DNAJC5B: variants seen among roughly 807,000 people sequenced by gnomAD.
DNAJC5B encodes DnaJ heat shock protein family (Hsp40) member C5 beta, also known as dnaJ homolog subfamily C member 5B.
Under a neutral mutation model 24.7 loss-of-function variants are expected in DNAJC5B, and 23 were observed. The observed-to-expected ratio is 0.93, with a 90% CI of 0.67 to 1.32. The LOEUF (loss-of-function observed/expected upper bound fraction) is 1.32, where lower values mean the gene tolerates loss of function less well. Among genes scored for constraint, DNAJC5B ranks in the 40% most tolerant of loss-of-function variants. The pLI is 0.00. For synonymous variants in DNAJC5B, 101 were observed against 90.1 expected (o/e 1.12, Z -0.68); for missense variants, 238 against 240.8 (o/e 0.99, Z 0.08).
upstream of DNAJC5B, among the ~76,000 whole-genome samples, chr8:66,017,673 G>A (rs549269150): frequency 1.5e-3 from 236 of 152,270 alleles, 3 homozygotes; most frequent in South Asian, 8.3e-3. Flanking sequence ...TTTAGCTCTC[G>A]TAACTGTTGT....
At chr8:66,066,438 A>T (rs1563601492) in intron 3 of DNAJC5B, among the ~76,000 whole-genome samples, 1 of 152,262 alleles carries the variant, frequency 6.6e-6, no homozygotes, top group South Asian at 2.1e-4. Flanking sequence ...ACATGTACTT[A>T]TTGCAGCACA....
At chr8:66,032,945 C>T (rs901597738) in intron 1 of DNAJC5B, among the ~76,000 whole-genome samples, 2 of 152,228 alleles carry the variant, frequency 1.3e-5, no homozygotes, top group African/African-American at 2.4e-5. Context: ...TCCCCTTCAT[C>T]GTGACAACAT....
rs141904309 is a variant in DNAJC5B, at chr8:66,033,901, G to A, written c.-141-9587G>A. Among the ~76,000 whole-genome samples, 93 of 151,654 alleles carry A rather than the reference G, an allele frequency of 6.1e-4. 1 individual carries two copies. The highest frequency in any genetic ancestry group is 2.1e-3 in the African/African-American group (86 of 41,292). Reference sequence around the variant, plus strand: ...AAAGAGAATTTGGATGGTGTCCAGAGATGTGGGAGCTCGTTCTGGATACGA... The same window carrying A: ...AAAGAGAATTTGGATGGTGTCCAGAAATGTGGGAGCTCGTTCTGGATACGA... On this transcript the variant is annotated intron_variant, in intron 1 of 5. Transcript: ENST00000276570.
chr8:66,076,790 G>A lies in DNAJC5B; in HGVS notation c.250G>A (p.Gly84Arg), dbSNP rs61758426. ...AAAGAGAAGCATATACGACAAGTAC[G>A]GATCGCTGGGACTCTACGTGGCCGA... ...ISKRSIYDKY[G>R]SLGLYVAEQF... is the part of the protein sequence containing the mutation. Residue 84 changes from glycine to arginine, a missense_variant, in exon 4 of 6, where the codon GGA (glycine) becomes AGA (arginine). Physicochemically the swap from Gly to Arg is moderately radical, Grantham distance 125. Transcript: ENST00000276570. 6.0e-4 allele frequency: 964 copies of A among 1,614,144 alleles called. 8 individuals are homozygous for A. The African/African-American group carries it at 0.012, about 19-fold the overall frequency.
At chr8:66,031,135 T>C (rs1271882627) in intron 1 of DNAJC5B, among the ~76,000 whole-genome samples, 1 of 152,182 alleles carries the variant, frequency 6.6e-6, no homozygotes. Context: ...GGTAAAATCA[T>C]AGTACAATTA....
In DNAJC5B at chr8:66,034,478, G is replaced by T. The variant is rs113994343; in HGVS notation, c.-141-9010G>T. ...TCAGAGATTTCACTGAACAGGGAAA[G>T]AGCTGAAGAAAGGGACCCAGCAGAT... On this transcript the variant is annotated intron_variant, in intron 1 of 5. Transcript: ENST00000276570. Among the ~76,000 whole-genome samples, 1,088 of 152,196 alleles carry T rather than the reference G, an allele frequency of 7.1e-3. 10 individuals are homozygous for T. Among genetic ancestry groups the T allele is most frequent in the African/African-American group, 0.025 (1,028 of 41,504 alleles).
chr8:66,046,132 G>T (rs1313040195), intron 2 of DNAJC5B, among the ~76,000 whole-genome samples: 3 of 152,150 alleles, frequency 2.0e-5, no homozygotes, highest in Non-Finnish European at 4.4e-5. Context: ...TTTTGACCCA[G>T]AGACCAGGAA....
chr8:66,089,326 A>G (rs796882974), intron 5 of DNAJC5B, among the ~76,000 whole-genome samples: 3 of 152,364 alleles, frequency 2.0e-5, no homozygotes, highest in African/African-American at 7.2e-5. Context: ...AGGGATTACT[A>G]TTCAAGATGA....
At chr8:66,086,609 T>G (rs1308545526) in intron 5 of DNAJC5B, among the ~76,000 whole-genome samples, 1 of 152,158 alleles carries the variant, frequency 6.6e-6, no homozygotes, top group Non-Finnish European at 1.5e-5. Flanking sequence ...ACAAAATGCC[T>G]CCAGAGCATA....
At chr8:66,095,428 AT>A (rs1807929936) in intron 5 of DNAJC5B, among the ~76,000 whole-genome samples, 1 of 150,560 alleles carries the variant, frequency 6.6e-6, no homozygotes, top group South Asian at 2.1e-4. Flanking sequence ...TTTTTTAACC[AT>A]TCTCACCAGA....
chr8:66,070,765 C>A (rs1315498251), intron 3 of DNAJC5B, among the ~76,000 whole-genome samples: 1 of 152,138 alleles, frequency 6.6e-6, no homozygotes, highest in African/African-American at 2.4e-5. Flanking sequence ...CAAAAAAGAA[C>A]AAAGCTGGAG....
intron 3 of DNAJC5B, among the ~76,000 whole-genome samples, chr8:66,054,619 G>A (rs998305311): frequency 1.3e-5 from 2 of 152,116 alleles, no homozygotes; most frequent in Non-Finnish European, 2.9e-5. Flanking sequence ...AGCATGTTTT[G>A]AAGAAAAAAT....
chr8:66,088,630 C>A (rs1441601226), intron 5 of DNAJC5B, among the ~76,000 whole-genome samples: 1 of 152,152 alleles, frequency 6.6e-6, no homozygotes, highest in African/African-American at 2.4e-5. Context: ...TCAGCCAGAT[C>A]ACCTCTTGAA....
At chr8:66,040,337 C>T (rs1481548705) in intron 1 of DNAJC5B, among the ~76,000 whole-genome samples, 1 of 151,870 alleles carries the variant, frequency 6.6e-6, no homozygotes, top group Non-Finnish European at 1.5e-5. Context: ...TTGCAGTGAG[C>T]CAAGATCGTG....
At chr8:66,036,103 T>G (rs1349711754) in intron 1 of DNAJC5B, among the ~76,000 whole-genome samples, 2 of 152,178 alleles carry the variant, frequency 1.3e-5, no homozygotes, top group Non-Finnish European at 2.9e-5. Context: ...AACACCCCAA[T>G]GAGCTGGCCA....
chr8:66,088,046 T>C (rs1231067465), intron 5 of DNAJC5B, among the ~76,000 whole-genome samples: 1 of 152,206 alleles, frequency 6.6e-6, no homozygotes, highest in Non-Finnish European at 1.5e-5. Context: ...AGGCTCTCCA[T>C]GAGGGCTTTA....
chr8:66,088,803 C>T (rs1418711546), intron 5 of DNAJC5B, among the ~76,000 whole-genome samples: 3 of 152,022 alleles, frequency 2.0e-5, no homozygotes, highest in African/African-American at 7.3e-5. Context: ...CTGAGACCAC[C>T]TCAGCCTGGA....
intron 1 of DNAJC5B, among the ~76,000 whole-genome samples, chr8:66,028,409 G>A (rs1487537032): frequency 2.6e-5 from 4 of 152,134 alleles, no homozygotes; most frequent in African/African-American, 9.7e-5. Flanking sequence ...TCTAACAGGT[G>A]GTTTCTGTGA....
chr8:66,058,694 A>C (rs936241994), intron 3 of DNAJC5B, among the ~76,000 whole-genome samples: 2 of 152,228 alleles, frequency 1.3e-5, no homozygotes, highest in African/African-American at 4.8e-5. Context: ...GTAGATCTTT[A>C]TCATAGAGTC....
Sources: allele counts gnomAD v4.1 joint callset (sites outside exome capture counted in the v4.1 genomes callset), GRCh38; gene constraint gnomAD v4.1.1; transcripts MANE v1.5; gene names NCBI Gene and HGNC (gene_info 2026-07-23, HGNC 2026-07-21).